The following EYS variants were observed in gnomAD, a reference collection of about 807,000 sequenced individuals.
The protein encoded by EYS is EGF-like photoreceptor maintenance factor, also known as protein eyes shut homolog.
EYS carries 250 observed loss-of-function variants against 282.1 expected under a neutral mutation model. The observed-to-expected ratio is 0.89, with a 90% CI of 0.80 to 0.98. EYS has a LOEUF of 0.98. EYS is among the 50% of genes least tolerant of loss of function. EYS has a pLI of 0.00. For missense variants in EYS, 4,016 were observed against 3,709.0 expected, an observed-to-expected ratio of 1.08 and a Z score of -2.15; for synonymous variants, 1,355 against 1,282.9, an observed-to-expected ratio of 1.06 and a Z score of -1.20.
chr6:64,828,354 G>A (rs1765121329), intron 19 of EYS, among the ~76,000 whole-genome samples: 1 of 151,872 alleles, frequency 6.6e-6, no homozygotes, highest in Non-Finnish European at 1.5e-5. Context: ...AAGAGATAAC[G>A]GACATGGATT....
At chr6:64,052,812 C>T (rs1770854791) in intron 33 of EYS, among the ~76,000 whole-genome samples, 3 of 152,140 alleles carry the variant, frequency 2.0e-5, no homozygotes, top group South Asian at 4.1e-4. Context: ...TCCCCACTTG[C>T]ACTCATTCTC....
intron 35 of EYS, among the ~76,000 whole-genome samples, chr6:63,977,967 T>C (rs183213511): frequency 6.6e-6 from 1 of 152,096 alleles, no homozygotes; most frequent in Admixed American, 6.6e-5. Context: ...AAATTGGATA[T>C]GAGACAGAAG....
At chr6:65,115,855 G>T (rs546027368) in intron 12 of EYS, among the ~76,000 whole-genome samples, 19 of 152,142 alleles carry the variant, frequency 1.2e-4, no homozygotes, top group African/African-American at 4.3e-4. Flanking sequence ...CTAAGTGGTG[G>T]ATCTAGGAGT....
chr6:64,295,704 G>C (rs948009403), intron 30 of EYS, among the ~76,000 whole-genome samples: 8 of 130,736 alleles, frequency 6.1e-5, no homozygotes, highest in Non-Finnish European at 1.2e-4. Context: ...ACTCCAGCCT[G>C]GCTGACTGAG....
intron 19 of EYS, among the ~76,000 whole-genome samples, chr6:64,879,878 G>T (rs1766861394): frequency 6.6e-6 from 1 of 151,948 alleles, no homozygotes; most frequent in African/African-American, 2.4e-5. Flanking sequence ...TTCAAGAAAT[G>T]GTAGTATAAT....
chr6:65,636,801 T>A (rs2149811192), intron 2 of EYS, among the ~76,000 whole-genome samples: 1 of 152,268 alleles, frequency 6.6e-6, no homozygotes, highest in East Asian at 1.9e-4. Context: ...TACTTTACTT[T>A]TATTTATTTA....
At chr6:65,094,066 T>C (rs1774652550) in intron 12 of EYS, among the ~76,000 whole-genome samples, 1 of 151,686 alleles carries the variant, frequency 6.6e-6, no homozygotes, top group South Asian at 2.1e-4. Flanking sequence ...TCAGAATGTA[T>C]ACATGTTTGA....
At chr6:64,923,876 C>A (rs1296720794) in intron 15 of EYS, among the ~76,000 whole-genome samples, 2 of 149,978 alleles carry the variant, frequency 1.3e-5, no homozygotes, top group Non-Finnish European at 3.0e-5. Context: ...AGGGTACAGC[C>A]CCCCTCCTGG....
intron 33 of EYS, among the ~76,000 whole-genome samples, chr6:64,017,350 G>A (rs181991209): frequency 3.9e-5 from 6 of 152,146 alleles, no homozygotes; most frequent in African/African-American, 1.4e-4. Flanking sequence ...TGCATGCTGG[G>A]GGTGGGAGAT....
chr6:65,343,650 A>G (rs1770282195), intron 10 of EYS, among the ~76,000 whole-genome samples: 2 of 151,102 alleles, frequency 1.3e-5, no homozygotes, highest in African/African-American at 2.4e-5. Context: ...TTGCTCGTGT[A>G]AGAGATTAGA....
chr6:65,054,062 C>A (rs1773347855), intron 13 of EYS, among the ~76,000 whole-genome samples: 1 of 151,856 alleles, frequency 6.6e-6, no homozygotes, highest in African/African-American at 2.4e-5. Context: ...AGAAACTGAA[C>A]TCATAGATGG....
intron 5 of EYS, among the ~76,000 whole-genome samples, chr6:65,442,388 T>G (rs561211982): frequency 6.6e-6 from 1 of 152,084 alleles, no homozygotes; most frequent in African/African-American, 2.4e-5. Context: ...AACTTAGAAA[T>G]TTTATTATTT....
chr6:64,752,818 C>T (rs913952495), intron 22 of EYS, among the ~76,000 whole-genome samples: 10 of 152,052 alleles, frequency 6.6e-5, no homozygotes. Flanking sequence ...TCAATTGATA[C>T]CTCAGAATAC....
intron 22 of EYS, among the ~76,000 whole-genome samples, chr6:64,715,846 T>G (rs1771373586): frequency 6.6e-6 from 1 of 152,228 alleles, no homozygotes; most frequent in African/African-American, 2.4e-5. Flanking sequence ...TTGAGCAGGT[T>G]GAATACGTCA....
Position 63,830,860 on chromosome 6 carries a change from C to T in EYS, c.7229-24488G>A, listed in dbSNP as rs529789577. 3.7e-4 allele frequency among the ~76,000 whole-genome samples: 57 copies of T among 152,308 alleles called. No homozygotes were observed. In the South Asian group the frequency reaches 8.5e-3, roughly 23 times the overall value. ...AAAGGGAAGCCCATCAGAGTAACAG[C>T]GGATTTCTTGGCAGAAACTCTTAAA... On this transcript the variant is annotated intron_variant, in intron 36 of 42. Coordinates refer to ENST00000503581, the MANE Select transcript of EYS (RefSeq NM_001142800.2).
intron 26 of EYS, among the ~76,000 whole-genome samples, chr6:64,519,829 T>C (rs1330479984): frequency 6.6e-6 from 1 of 151,808 alleles, no homozygotes; most frequent in Non-Finnish European, 1.5e-5. Context: ...GGAAGGGATG[T>C]CAAAAAACCA....
chr6:65,472,555 T>C (rs1327128078), intron 5 of EYS, among the ~76,000 whole-genome samples: 4 of 151,998 alleles, frequency 2.6e-5, no homozygotes, highest in Non-Finnish European at 5.9e-5. Flanking sequence ...ACTTACAAAT[T>C]ATTTGGAATT....
chr6:65,101,434 A>G (rs1052668316), intron 12 of EYS, among the ~76,000 whole-genome samples: 5 of 151,274 alleles, frequency 3.3e-5, no homozygotes, highest in South Asian at 2.1e-4. Flanking sequence ...TTTTCATTCT[A>G]AATTTATCAA....
At chr6:65,195,035 T>C (rs1404810760) in intron 12 of EYS, among the ~76,000 whole-genome samples, 2 of 151,974 alleles carry the variant, frequency 1.3e-5, no homozygotes, top group African/African-American at 4.8e-5. Flanking sequence ...TTTTAAAACT[T>C]CTAATTGTAA....
Sources: allele counts gnomAD v4.1 joint callset (sites outside exome capture counted in the v4.1 genomes callset), GRCh38; gene constraint gnomAD v4.1.1; transcripts MANE v1.5; gene names NCBI Gene and HGNC (gene_info 2026-07-23, HGNC 2026-07-21).